RELN: variants seen among roughly 807,000 people sequenced by gnomAD.
RELN encodes reelin.
Under a neutral mutation model 427.6 loss-of-function variants are expected in RELN, and 108 were observed. That is an observed-to-expected ratio of 0.25 (90% CI 0.22 to 0.30). The LOEUF (loss-of-function observed/expected upper bound fraction) is 0.30. Ranked by LOEUF, RELN falls within the 10% of genes least tolerant of loss-of-function variation. The pLI, the probability that RELN is intolerant of heterozygous loss-of-function variation, is 1.00. For missense variants in RELN, 3,715 were observed against 4,302.8 expected, an observed-to-expected ratio of 0.86 and a Z score of 3.82; for synonymous variants, 1,524 against 1,513.4, an observed-to-expected ratio of 1.01 and a Z score of -0.16.
At chr7:103,767,871 A>G (rs980040983) in intron 4 of RELN, among the ~76,000 whole-genome samples, 11 of 151,970 alleles carry the variant, frequency 7.2e-5, no homozygotes, top group African/African-American at 1.9e-4. Flanking sequence ...CTGCCACCCT[A>G]TTTAAAATTG....
intron 3 of RELN, among the ~76,000 whole-genome samples, chr7:103,832,954 C>T (rs774611665): frequency 6.6e-6 from 1 of 152,102 alleles, no homozygotes; most frequent in African/African-American, 2.4e-5. Flanking sequence ...TTTCCAATTG[C>T]TCTGATTTAT....
At chr7:103,531,493 C>T (rs1281762408) in intron 46 of RELN, among the ~76,000 whole-genome samples, 2 of 152,126 alleles carry the variant, frequency 1.3e-5, no homozygotes, top group African/African-American at 2.4e-5. Context: ...GTGTTCCCTT[C>T]CTAGTTAGGA....
chr7:103,588,331 G>A (rs892339528), intron 28 of RELN, among the ~76,000 whole-genome samples: 16 of 149,470 alleles, frequency 1.1e-4, no homozygotes, highest in African/African-American at 4.0e-4. Context: ...TCGATCACAT[G>A]TTTTTCATAC....
At chr7:103,947,544 C>G (rs1796245434) in intron 1 of RELN, among the ~76,000 whole-genome samples, 1 of 152,190 alleles carries the variant, frequency 6.6e-6, no homozygotes, top group Non-Finnish European at 1.5e-5. Flanking sequence ...ATAGATCATT[C>G]TCTCATTTAT....
chr7:103,763,153 TG>T (rs2116141063), intron 4 of RELN, among the ~76,000 whole-genome samples: 1 of 152,316 alleles, frequency 6.6e-6, no homozygotes, highest in South Asian at 2.1e-4. Flanking sequence ...TAACCAACTC[TG>T]AGTTTTGTTA....
chr7:103,707,782 C>T (rs1023982016), intron 8 of RELN, among the ~76,000 whole-genome samples: 2 of 152,180 alleles, frequency 1.3e-5, no homozygotes, highest in African/African-American at 4.8e-5. Flanking sequence ...CAGGCACGAG[C>T]CACCACGCCC....
At chr7:103,488,918 A>C (rs1828542153) in intron 60 of RELN, among the ~76,000 whole-genome samples, 2 of 152,238 alleles carry the variant, frequency 1.3e-5, no homozygotes, top group South Asian at 4.1e-4. Flanking sequence ...AGCATAAGAC[A>C]GTGTTAAGGA....
chr7:103,595,640 A>T (rs1319633306), intron 25 of RELN, among the ~76,000 whole-genome samples: 1 of 152,166 alleles, frequency 6.6e-6, no homozygotes, highest in Non-Finnish European at 1.5e-5. Context: ...CTCATTTGTA[A>T]AATGAAAACA....
intron 60 of RELN, 49 bp downstream of exon 60, chr7:103,489,693 G>A (rs1828582581): frequency 6.2e-7 from 1 of 1,602,960 alleles, no homozygotes; most frequent in East Asian, 2.3e-5. Flanking sequence ...TTAAGATGAG[G>A]AGAACCTCTT....
At chr7:103,717,811 A>G (rs1006960163) in intron 8 of RELN, among the ~76,000 whole-genome samples, 1 of 152,082 alleles carries the variant, frequency 6.6e-6, no homozygotes, top group Non-Finnish European at 1.5e-5. Context: ...AATTTTAAAT[A>G]TATTTCAGTA....
intron 2 of RELN, among the ~76,000 whole-genome samples, chr7:103,903,900 A>T (rs986419902): frequency 1.3e-5 from 2 of 151,774 alleles, no homozygotes; most frequent in African/African-American, 4.8e-5. Context: ...GGTTTGTTAC[A>T]TAGGTATACA....
chr7:103,880,941 C>A (rs1269027111), intron 2 of RELN, among the ~76,000 whole-genome samples: 1 of 152,142 alleles, frequency 6.6e-6, no homozygotes, highest in African/African-American at 2.4e-5. Context: ...AACAATTCAC[C>A]CACCTTGGCT....
intron 43 of RELN, among the ~76,000 whole-genome samples, chr7:103,541,764 G>C (rs1830181361): frequency 6.6e-6 from 1 of 152,102 alleles, no homozygotes. Flanking sequence ...CTAAATTAGA[G>C]AACTCAGCTG....
In RELN at chr7:103,872,547, G is replaced by A. The variant is rs75523556; in HGVS notation, c.338-38875C>T. Among the ~76,000 whole-genome samples, 189 of 120,112 alleles carry A rather than the reference G, an allele frequency of 1.6e-3. 1 individual carries two copies. The highest frequency in any genetic ancestry group is 9.6e-3 in the East Asian group (21 of 2,186). The allele number at this position is 120,112 out of a possible 152,430, so 78.8% of individuals were successfully genotyped here. ...ATACGTGTGCATGTGTCTTTATAGC[G>A]GCATGATTTATAGTCATTTGGGTAT... On this transcript the variant is annotated intron_variant, in intron 2 of 64. Coordinates refer to ENST00000428762, the MANE Select transcript of RELN (RefSeq NM_005045.4).
intron 19 of RELN, among the ~76,000 whole-genome samples, chr7:103,633,387 G>A (rs1450383883): frequency 6.6e-6 from 1 of 151,806 alleles, no homozygotes; most frequent in Non-Finnish European, 1.5e-5. Flanking sequence ...TATCTAGAAT[G>A]TATCAACTTC....
At chr7:103,537,445 T>C (rs362740) in intron 45 of RELN, among the ~76,000 whole-genome samples, 16,106 of 152,188 alleles carry the variant, frequency 0.11, 1,298 homozygotes, top group East Asian at 0.22. Flanking sequence ...CAAATCCCCA[T>C]GCCTGCTTCT....
At chr7:103,846,752 C>G (rs1793687639) in intron 2 of RELN, among the ~76,000 whole-genome samples, 1 of 152,158 alleles carries the variant, frequency 6.6e-6, no homozygotes, top group Non-Finnish European at 1.5e-5. Context: ...ACAACCCCAT[C>G]AACAAGTGGG....
chr7:103,740,148 A>G (rs1314541308), intron 6 of RELN, among the ~76,000 whole-genome samples: 2 of 152,288 alleles, frequency 1.3e-5, no homozygotes, highest in East Asian at 3.9e-4. Flanking sequence ...AAAAAAAAAT[A>G]GAAGAGACAA....
intron 27 of RELN, among the ~76,000 whole-genome samples, chr7:103,590,856 T>C (rs1181716269): frequency 1.3e-5 from 2 of 152,244 alleles, no homozygotes. Flanking sequence ...CAGTTGAAGT[T>C]ATTACACATC....
Sources: gnomAD v4.1 joint callset for allele counts (sites outside exome capture counted in the v4.1 genomes callset) on GRCh38, gnomAD v4.1.1 for gene constraint, MANE v1.5 for transcripts, NCBI Gene and HGNC (gene_info 2026-07-23, HGNC 2026-07-21) for gene names.